The following MEGF11 variants were observed in gnomAD, a reference collection of about 807,000 sequenced individuals.
The protein encoded by MEGF11 is multiple epidermal growth factor-like domains protein 11.
MEGF11 carries 126 observed loss-of-function variants against 146.6 expected under a neutral mutation model. The observed-to-expected ratio is 0.86, with a 90% CI of 0.74 to 1.00. The LOEUF is 1.00. Among genes scored for constraint, MEGF11 ranks in the 50% least tolerant of loss-of-function variants. The pLI is 0.00. For synonymous variants in MEGF11, 532 were observed against 583.4 expected (o/e 0.91, Z 1.27); for missense variants, 1,509 against 1,521.2 (o/e 0.99, Z 0.13).
At chr15:66,017,016 G>A (rs1190476196) in intron 5 of MEGF11, among the ~76,000 whole-genome samples, 1 of 152,210 alleles carries the variant, frequency 6.6e-6, no homozygotes, top group African/African-American at 2.4e-5. Flanking sequence ...CTAATTTCAG[G>A]GATGTTGGAC....
At chr15:66,111,978 G>A (rs1167974264) in intron 4 of MEGF11, among the ~76,000 whole-genome samples, 1 of 151,996 alleles carries the variant, frequency 6.6e-6, no homozygotes. Context: ...CTTGAACCGG[G>A]GGAAACCATT....
At chr15:66,003,108 C>T (rs1364353566) in intron 5 of MEGF11, among the ~76,000 whole-genome samples, 1 of 152,062 alleles carries the variant, frequency 6.6e-6, no homozygotes, top group Admixed American at 6.5e-5. Flanking sequence ...ATTCTCCTGC[C>T]TCAGCCTTCT....
At chr15:65,963,725 C>T (rs1302660194) in intron 9 of MEGF11, among the ~76,000 whole-genome samples, 3 of 152,226 alleles carry the variant, frequency 2.0e-5, no homozygotes, top group Non-Finnish European at 4.4e-5. Context: ...CTCTAGCACC[C>T]TCTCTGGACA....
At chr15:65,945,369 G>T (rs28399773) in intron 10 of MEGF11, among the ~76,000 whole-genome samples, 14,766 of 152,198 alleles carry the variant, frequency 0.097, 722 homozygotes, top group African/African-American at 0.13. Context: ...AGACTTCCCT[G>T]CAGGGCAGAC....
At chr15:66,168,537 G>A (rs1274745008) in intron 1 of MEGF11, among the ~76,000 whole-genome samples, 1 of 152,214 alleles carries the variant, frequency 6.6e-6, no homozygotes. Flanking sequence ...TACAGATGGG[G>A]CAGAGGGAGA....
At chr15:66,074,624 G>T (rs1193360534) in intron 5 of MEGF11, among the ~76,000 whole-genome samples, 2 of 152,192 alleles carry the variant, frequency 1.3e-5, no homozygotes, top group African/African-American at 2.4e-5. Context: ...TATGTGCTGG[G>T]ACATGACATG....
At chr15:65,931,244 C>G (rs772036273) in intron 10 of MEGF11, among the ~76,000 whole-genome samples, 1 of 152,128 alleles carries the variant, frequency 6.6e-6, no homozygotes, top group Admixed American at 6.5e-5. Flanking sequence ...GCCCTCCACC[C>G]GCTTGTGCTG....
intron 5 of MEGF11, among the ~76,000 whole-genome samples, chr15:66,016,129 A>C (rs1410465321): frequency 6.6e-6 from 1 of 151,942 alleles, no homozygotes; most frequent in Non-Finnish European, 1.5e-5. Context: ...TTTAAAAAAA[A>C]CCCACTCGGC....
At chr15:66,106,851 A>C (rs940404544) in intron 4 of MEGF11, among the ~76,000 whole-genome samples, 1 of 152,200 alleles carries the variant, frequency 6.6e-6, no homozygotes, top group Non-Finnish European at 1.5e-5. Context: ...AACTAAGACT[A>C]GGGTAAAAGA....
intron 5 of MEGF11, among the ~76,000 whole-genome samples, chr15:66,037,316 T>C (rs1308551216): frequency 2.6e-5 from 4 of 152,216 alleles, no homozygotes; most frequent in Non-Finnish European, 5.9e-5. Context: ...ACTAAACATC[T>C]ACTACAGTTG....
intron 5 of MEGF11, among the ~76,000 whole-genome samples, chr15:66,052,446 C>A (rs995428067): frequency 3.3e-5 from 5 of 152,298 alleles, no homozygotes; most frequent in African/African-American, 1.2e-4. Context: ...CTCAAAAGCA[C>A]ATAGAGGTTC....
chr15:66,060,676 C>T (rs2084865903), intron 5 of MEGF11, among the ~76,000 whole-genome samples: 1 of 152,216 alleles, frequency 6.6e-6, no homozygotes, highest in Non-Finnish European at 1.5e-5. Flanking sequence ...GTTGGTTAAC[C>T]TGGTGTGTCT....
At chr15:65,985,923 G>GTA (rs1394429746) in intron 5 of MEGF11, among the ~76,000 whole-genome samples, 3 of 151,160 alleles carry the variant, frequency 2.0e-5, no homozygotes, top group Non-Finnish European at 4.4e-5. Context: ...GAGTGTGTGT[G>GTA]TATATGCACA....
intron 10 of MEGF11, among the ~76,000 whole-genome samples, chr15:65,938,363 T>C (rs2079861337): frequency 6.6e-6 from 1 of 152,246 alleles, no homozygotes; most frequent in African/African-American, 2.4e-5. Flanking sequence ...GTGGGAATTC[T>C]GGGTTGGCCT....
At chr15:65,953,956 T>A (rs1234050677) in intron 10 of MEGF11, among the ~76,000 whole-genome samples, 1 of 151,386 alleles carries the variant, frequency 6.6e-6, no homozygotes, top group East Asian at 1.9e-4. Flanking sequence ...CCCAATATCC[T>A]CCCTAAAGAC....
chr15:66,176,370 C>G (rs1439881134), intron 1 of MEGF11, among the ~76,000 whole-genome samples: 1 of 152,152 alleles, frequency 6.6e-6, no homozygotes, highest in Non-Finnish European at 1.5e-5. Flanking sequence ...ATGTCTATTG[C>G]AGCACTGTTC....
chr15:66,213,364 C>G (rs967877694), intron 1 of MEGF11, among the ~76,000 whole-genome samples: 1 of 152,174 alleles, frequency 6.6e-6, no homozygotes, highest in Non-Finnish European at 1.5e-5. Flanking sequence ...AAGGCTAGCA[C>G]TCCTCAAGTG....
At chr15:65,992,437 C>G (rs994038254) in intron 5 of MEGF11, among the ~76,000 whole-genome samples, 45 of 76,246 alleles carry the variant, frequency 5.9e-4, no homozygotes, top group African/African-American at 1.5e-3. Flanking sequence ...GTTTGTGCCT[C>G]TGTGTGTGTG....
Position 65,938,328 on chromosome 15 carries a change from G to GAGC in MEGF11, c.1288-7386_1288-7385insGCT, listed in dbSNP as rs1405270336. On this transcript the variant is annotated intron_variant, in intron 10 of 25. Coordinates refer to ENST00000395614, the MANE Select transcript of MEGF11 (RefSeq NM_001385028.1). ...CTCAGATCTCCTAGCTCCCATTTGG[G>GAGC]TCACAGGATGCTAACAGCCTAAATG... is the stretch of plus-strand genomic sequence containing the variant. 7.9e-5 allele frequency among the ~76,000 whole-genome samples: 12 copies of GAGC among 152,356 alleles called. 1 individual carries two copies. In the East Asian group the frequency reaches 2.3e-3, roughly 29 times the overall value.
Sources: allele counts gnomAD v4.1 joint callset (sites outside exome capture counted in the v4.1 genomes callset), GRCh38; gene constraint gnomAD v4.1.1; transcripts MANE v1.5; gene names NCBI Gene and HGNC (gene_info 2026-07-23, HGNC 2026-07-21).